The following SLC6A11 variants were observed in gnomAD, a reference collection of about 807,000 sequenced individuals.
The protein encoded by SLC6A11 is solute carrier family 6 member 11.
Under a neutral mutation model 74.8 loss-of-function variants are expected in SLC6A11, and 25 were observed. That is an observed-to-expected ratio of 0.33 (90% CI 0.24 to 0.47). The LOEUF (loss-of-function observed/expected upper bound fraction) is 0.47. Ranked by LOEUF, SLC6A11 falls within the 20% of genes least tolerant of loss-of-function variation. The probability of loss-of-function intolerance (pLI) is 1.00; values close to 1 mark genes in which losing one functional copy is unlikely to be tolerated. For missense variants in SLC6A11, 574 were observed against 837.0 expected, an observed-to-expected ratio of 0.69 and a Z score of 3.88; for synonymous variants, 330 against 330.2, an observed-to-expected ratio of 1.00 and a Z score of 0.01.
chr3:10,827,314 C>T (rs191729749), intron 4 of SLC6A11, among the ~76,000 whole-genome samples: 4 of 152,276 alleles, frequency 2.6e-5, no homozygotes, highest in East Asian at 1.9e-4. Context: ...TGTACTCCAC[C>T]CCCTGAATGC....
Position 10,875,012 on chromosome 3 carries a change from A to T in SLC6A11, c.808A>T (p.Ile270Leu), listed in dbSNP as rs746708886. 1.9e-6 allele frequency: 3 copies of T among 1,613,642 alleles called. No individual in the cohort carries two copies. The highest frequency in any genetic ancestry group is 2.2e-5 in the South Asian group (2 of 90,990). Residue 270 changes from isoleucine (I) to leucine (L), a missense_variant, in exon 6 of 14, where the codon ATA becomes TTA. Transcript: ENST00000254488. ...CTACATCATGCTGCTGATCCTCCTG[A>T]TACGAGGGGTCACGTTGCCCGGGGC... ...FPYIMLLILLIRGVTLPGASE... is the reference protein window; with the variant it reads ...FPYIMLLILLLRGVTLPGASE...
At chr3:10,865,587 C>T (rs1325321823) in intron 5 of SLC6A11, among the ~76,000 whole-genome samples, 4 of 151,414 alleles carry the variant, frequency 2.6e-5, no homozygotes, top group Non-Finnish European at 4.4e-5. Context: ...CGCTTGAATC[C>T]AGGAGGTGGA....
At chr3:10,903,096 G>T (rs758003946) in intron 6 of SLC6A11, among the ~76,000 whole-genome samples, 6 of 152,094 alleles carry the variant, frequency 3.9e-5, no homozygotes, top group Non-Finnish European at 7.4e-5. Context: ...TGGTGCTTTC[G>T]TGGCAGGATG....
At chr3:10,894,236 G>A (rs553344910) in intron 6 of SLC6A11, among the ~76,000 whole-genome samples, 3 of 152,284 alleles carry the variant, frequency 2.0e-5, no homozygotes, top group East Asian at 1.9e-4. Context: ...GGGAACTGGC[G>A]CCGTTTAAAG....
intron 6 of SLC6A11, among the ~76,000 whole-genome samples, chr3:10,903,230 A>C (rs1695262335): frequency 6.6e-6 from 1 of 152,218 alleles, no homozygotes; most frequent in Non-Finnish European, 1.5e-5. Flanking sequence ...AAGCAGAGGC[A>C]TGCCCTTCTG....
chr3:10,823,428 G>A (rs1166917645), intron 4 of SLC6A11, 36 bp downstream of exon 4: 3 of 1,406,828 alleles, frequency 2.1e-6, no homozygotes, highest in Non-Finnish European at 1.0e-6. Context: ...TTGGCCTGTG[G>A]GGGCTCTGTC....
chr3:10,914,713 A>T (rs1353868223), intron 7 of SLC6A11, among the ~76,000 whole-genome samples: 1 of 152,154 alleles, frequency 6.6e-6, no homozygotes, highest in East Asian at 1.9e-4. Flanking sequence ...CCATAATGAA[A>T]ATGTTAACCA....
At chr3:10,927,645 A>T (rs941223767) in intron 9 of SLC6A11, among the ~76,000 whole-genome samples, 1 of 152,142 alleles carries the variant, frequency 6.6e-6, no homozygotes, top group Admixed American at 6.5e-5. Flanking sequence ...TAGGACCTGG[A>T]GAAAGGATAG....
At chr3:10,929,009 G>A (rs890482974) in intron 9 of SLC6A11, among the ~76,000 whole-genome samples, 193 bp from the exon 10 acceptor site, 2 of 152,128 alleles carry the variant, frequency 1.3e-5, no homozygotes, top group African/African-American at 2.4e-5. Context: ...CCTCAGCGTC[G>A]TCATCTGTTA....
intron 12 of SLC6A11, 31 bp downstream of exon 12, chr3:10,934,197 C>A: frequency 7.0e-7 from 1 of 1,436,428 alleles, no homozygotes; most frequent in Non-Finnish European, 9.8e-7. Flanking sequence ...CACCTCCAGC[C>A]ATCTACCCAC....
intron 3 of SLC6A11, among the ~76,000 whole-genome samples, chr3:10,822,228 C>T (rs190684926): frequency 3.3e-5 from 5 of 152,292 alleles, no homozygotes; most frequent in African/African-American, 4.8e-5. Flanking sequence ...TGAAGCCAGC[C>T]GGGCTCCTGC....
At chr3:10,876,266 A>G in intron 6 of SLC6A11, among the ~76,000 whole-genome samples, 1 of 152,218 alleles carries the variant, frequency 6.6e-6, no homozygotes, top group Non-Finnish European at 1.5e-5. Context: ...GGATACCACT[A>G]GGCACCTGCA....
intron 3 of SLC6A11, 77 bp from the exon 4 acceptor site, chr3:10,823,225 C>A: frequency 9.3e-7 from 1 of 1,072,738 alleles, no homozygotes; most frequent in Non-Finnish European, 1.4e-6. Context: ...AGTTGCGCAT[C>A]AGCTCTGAAT....
chr3:10,840,526 A>G (rs1694424254), intron 4 of SLC6A11, among the ~76,000 whole-genome samples: 1 of 152,222 alleles, frequency 6.6e-6, no homozygotes, highest in African/African-American at 2.4e-5. Flanking sequence ...TGTGTCTGGC[A>G]CACTGATGAC....
intron 5 of SLC6A11, among the ~76,000 whole-genome samples, chr3:10,846,454 A>G (rs1325498528): frequency 1.3e-5 from 2 of 152,124 alleles, no homozygotes; most frequent in Non-Finnish European, 2.9e-5. Context: ...AGGTTTGTGT[A>G]TGGACATGCT....
At chr3:10,862,068 G>A (rs1280215552) in intron 5 of SLC6A11, among the ~76,000 whole-genome samples, 1 of 152,176 alleles carries the variant, frequency 6.6e-6, no homozygotes, top group Non-Finnish European at 1.5e-5. Flanking sequence ...GTGTGTTTAA[G>A]GGAGTAAGAG....
Position 10,884,975 on chromosome 3 carries a change from C to A in SLC6A11, c.891+9880C>A, listed in dbSNP as rs554607458. Among the ~76,000 whole-genome samples the A allele has an allele frequency of 2.6e-5, 4 of 152,176 alleles. No individual in the cohort carries two copies. In the East Asian group the frequency reaches 7.7e-4, roughly 29 times the overall value. ...AAGGTTGAGCATACTAAGTTAAGTG[C>A]AGCCTGAACAACTGAGGCACAAGTC... On this transcript the variant is annotated intron_variant, in intron 6 of 13. Coordinates refer to ENST00000254488, the MANE Select transcript of SLC6A11 (RefSeq NM_014229.3).
intron 11 of SLC6A11, 43 bp from the exon 12 acceptor site, chr3:10,934,023 T>G (rs1695724767): frequency 7.2e-7 from 1 of 1,394,746 alleles, no homozygotes. Flanking sequence ...TGTACAAAAC[T>G]TCTCTGGGGT....
chr3:10,898,512 A>G (rs1268209040), intron 6 of SLC6A11, among the ~76,000 whole-genome samples: 2 of 152,216 alleles, frequency 1.3e-5, no homozygotes, highest in Non-Finnish European at 2.9e-5. Context: ...AGTTCCACAA[A>G]TATCTAGGAC....
Sources: gnomAD v4.1 joint callset for allele counts (sites outside exome capture counted in the v4.1 genomes callset) on GRCh38, gnomAD v4.1.1 for gene constraint, MANE v1.5 for transcripts, NCBI Gene and HGNC (gene_info 2026-07-23, HGNC 2026-07-21) for gene names.